The following ARID4B variants were observed in gnomAD, a reference collection of about 807,000 sequenced individuals.
The protein encoded by ARID4B is AT-rich interactive domain-containing protein 4B.
In ARID4B, 26 loss-of-function variants were observed where a neutral mutation model predicts 147.5. The ratio of observed to expected loss-of-function variants is 0.18; its 90% CI spans 0.13 to 0.24. The LOEUF (loss-of-function observed/expected upper bound fraction) is 0.24, where lower values mean the gene tolerates loss of function less well. ARID4B is among the 10% of genes least tolerant of loss of function. The pLI, the probability that ARID4B is intolerant of heterozygous loss-of-function variation, is 1.00. For synonymous variants in ARID4B, 512 were observed against 507.9 expected (o/e 1.01, Z -0.11); for missense variants, 1,179 against 1,511.5 (o/e 0.78, Z 3.65).
intron 2 of ARID4B, among the ~76,000 whole-genome samples, chr1:235,326,073 A>C (rs1675217896): frequency 6.6e-6 from 1 of 152,178 alleles, no homozygotes; most frequent in African/African-American, 2.4e-5. Flanking sequence ...TGGATGAAAA[A>C]ATACAAGCTA....
intron 22 of ARID4B, among the ~76,000 whole-genome samples, chr1:235,174,402 AATTT>A (rs1281528358): frequency 4.6e-5 from 7 of 152,122 alleles, no homozygotes; most frequent in Non-Finnish European, 5.9e-5. Context: ...TTCTTTAACC[AATTT>A]ATTTATTCAA....
At chr1:235,256,115 A>C (rs1669971364) in intron 4 of ARID4B, among the ~76,000 whole-genome samples, 1 of 144,564 alleles carries the variant, frequency 6.9e-6, no homozygotes, top group Admixed American at 7.3e-5. Flanking sequence ...TGGAGGTTGC[A>C]GTGAGCCGAG....
intron 2 of ARID4B, among the ~76,000 whole-genome samples, chr1:235,301,546 T>A (rs1440863814): frequency 6.7e-6 from 1 of 148,396 alleles, no homozygotes; most frequent in African/African-American, 2.5e-5. Flanking sequence ...TTTTTTTTTT[T>A]TTTTTTTTCT....
rs569746885 is a variant in ARID4B at position 235,282,197 on chromosome 1, C to T, written c.7-21445G>A. ...TAGTATCACTTGCTCATCCCTTAGCCCTGTGATACTTATGAAAACTGTTTA... is the reference window on the plus strand; with the variant it reads ...TAGTATCACTTGCTCATCCCTTAGCTCTGTGATACTTATGAAAACTGTTTA... On this transcript the variant is annotated intron_variant, in intron 2 of 23. Coordinates refer to ENST00000264183, the MANE Select transcript of ARID4B (RefSeq NM_016374.6). Among the ~76,000 whole-genome samples, 10 of 152,248 alleles carry T rather than the reference C, an allele frequency of 6.6e-5. No individual in the cohort carries two copies. The South Asian group carries it at 1.7e-3, about 25-fold the overall frequency.
chr1:235,195,533 A>AGTGAGCCGAG (rs1233220207), intron 18 of ARID4B, among the ~76,000 whole-genome samples: 6 of 151,738 alleles, frequency 4.0e-5, no homozygotes, highest in Non-Finnish European at 5.9e-5. Context: ...TGGAGGTTGC[A>AGTGAGCCGAG]GTGAGCCGAG....
intron 6 of ARID4B, among the ~76,000 whole-genome samples, chr1:235,250,110 AAATAAT>A (rs944963122): frequency 6.6e-6 from 1 of 151,622 alleles, no homozygotes; most frequent in Non-Finnish European, 1.5e-5. Context: ...CCGTCTCAAA[AAATAAT>A]AATAATAATA....
intron 22 of ARID4B, among the ~76,000 whole-genome samples, chr1:235,173,754 AAAAAAAAAAAAAAAAAAATATATATATAT>A (rs1241242767): frequency 1.7e-4 from 7 of 40,666 alleles, no homozygotes; most frequent in African/African-American, 8.1e-4. Context: ...AAAAAAAAAA[AAAAAAAAAAAAAAAAAAATATATATATAT>A]ATATATATAT....
At chr1:235,267,375 T>C (rs1372530250) in intron 2 of ARID4B, among the ~76,000 whole-genome samples, 12 of 152,222 alleles carry the variant, frequency 7.9e-5, no homozygotes, top group Admixed American at 7.2e-4. Context: ...ATTTTATATA[T>C]AGCAATCCCA....
intron 19 of ARID4B, 145 bp downstream of exon 19, chr1:235,193,868 A>G: frequency 1.8e-6 from 1 of 551,508 alleles, no homozygotes; most frequent in Non-Finnish European, 3.0e-6. Flanking sequence ...AATTTCAGTT[A>G]AGAGATATTC....
chr1:235,296,791 G>GAAGGA (rs1558289096), intron 2 of ARID4B, among the ~76,000 whole-genome samples: 3 of 57,106 alleles, frequency 5.3e-5, no homozygotes, highest in Non-Finnish European at 1.2e-4. Flanking sequence ...AAAAAAAAAG[G>GAAGGA]AGGAAGGAAG....
chr1:235,265,674 G>T (rs1430208193), intron 2 of ARID4B, among the ~76,000 whole-genome samples: 2 of 151,006 alleles, frequency 1.3e-5, no homozygotes, highest in Non-Finnish European at 2.9e-5. Context: ...ACTCTAACCT[G>T]GGCGACACTG....
chr1:235,280,745 A>G (rs1671613097), intron 2 of ARID4B, among the ~76,000 whole-genome samples: 1 of 152,186 alleles, frequency 6.6e-6, no homozygotes, highest in Admixed American at 6.5e-5. Flanking sequence ...AAACCCTGTG[A>G]CCTAGGGAGT....
chr1:235,315,916 G>A (rs1674392033), intron 2 of ARID4B, among the ~76,000 whole-genome samples: 1 of 152,096 alleles, frequency 6.6e-6, no homozygotes, highest in African/African-American at 2.4e-5. Flanking sequence ...ATGGTGGTGT[G>A]CACTTACAGT....
intron 2 of ARID4B, among the ~76,000 whole-genome samples, chr1:235,293,541 A>G (rs1410568171): frequency 6.6e-6 from 1 of 152,190 alleles, no homozygotes; most frequent in Non-Finnish European, 1.5e-5. Context: ...ATGAGGTAAA[A>G]TGTCTACCTA....
chr1:235,181,356 A>C, intron 20 of ARID4B: 1 of 678,642 alleles, frequency 1.5e-6, no homozygotes, highest in Non-Finnish European at 2.3e-6. Flanking sequence ...GTTCTGGTCC[A>C]CAATAAAATG....
chr1:235,284,062 C>T (rs1034401977), intron 2 of ARID4B, among the ~76,000 whole-genome samples: 1 of 152,090 alleles, frequency 6.6e-6, no homozygotes, highest in Non-Finnish European at 1.5e-5. Flanking sequence ...AACAAATCAA[C>T]ATTAATTCTT....
chr1:235,214,004 C>T lies in ARID4B; in HGVS notation c.1606G>A (p.Asp536Asn), dbSNP rs748241988. The stretch of plus-strand genomic sequence containing the variant: ...TCTTCTGCTTCTTCATCATCTTCAT[C>T]TTCTTCTTTATTCGTTTCATCTCTT... ...KSGDETNKEE[D>N]EDDEEAEEEE... The change falls in exon 17 of 24, where the codon GAT becomes AAT. Residue 536 changes from aspartate to asparagine, a missense_variant. Transcript: ENST00000264183. The T allele has an allele frequency of 1.3e-6, 2 of 1,593,160 alleles. No individual in the cohort carries two copies. The highest frequency in any genetic ancestry group is 1.7e-6 in the Non-Finnish European group (2 of 1,161,730).
At chr1:235,218,345 A>T (rs963813872) in intron 16 of ARID4B, among the ~76,000 whole-genome samples, 5 of 152,230 alleles carry the variant, frequency 3.3e-5, no homozygotes, top group Non-Finnish European at 7.3e-5. Context: ...TAAAATAAGC[A>T]GAAGCACCAA....
chr1:235,210,265 T>TA (rs1019434601), intron 17 of ARID4B, among the ~76,000 whole-genome samples: 5 of 151,850 alleles, frequency 3.3e-5, no homozygotes, highest in African/African-American at 7.3e-5. Flanking sequence ...TGTTTCAGAT[T>TA]AAAAAAACCA....
Sources: gnomAD v4.1 joint callset for allele counts (sites outside exome capture counted in the v4.1 genomes callset) on GRCh38, gnomAD v4.1.1 for gene constraint, MANE v1.5 for transcripts, NCBI Gene and HGNC (gene_info 2026-07-23, HGNC 2026-07-21) for gene names.